ABCB1: variants seen among roughly 807,000 people sequenced by gnomAD.
ABCB1 encodes ATP binding cassette subfamily B member 1.
In ABCB1, 69 loss-of-function variants were observed where a neutral mutation model predicts 142.0. The ratio of observed to expected loss-of-function variants is 0.49; its 90% confidence interval spans 0.40 to 0.59. The LOEUF is 0.59. Among genes scored for constraint, ABCB1 ranks in the 20% least tolerant of loss-of-function variants. The pLI is 0.00. For missense variants in ABCB1, 1,326 were observed against 1,554.7 expected (o/e 0.85, Z 2.47); for synonymous variants, 532 against 539.2 (o/e 0.99, Z 0.18).
chr7:87,526,164 C>CTT lies in ABCB1; in HGVS notation c.2685+5128_2685+5129dup, dbSNP rs78401397. ...TACCTTGAAAGCCTTCACCCACCAC[C>CTT]TTTTTTTTTTTTTCATATCTCCTAT... On this transcript the variant is annotated intron_variant, in intron 21 of 27. Transcript: ENST00000622132. Among the ~76,000 whole-genome samples, 227 of 144,654 alleles carry CTT rather than the reference C, an allele frequency of 1.6e-3. No individual in the cohort carries two copies. In the East Asian group the frequency reaches 0.018, roughly 11 times the overall value. 94.9% of individuals were successfully genotyped at this position (144,654 alleles called of 152,430 possible).
chr7:87,626,778 G>GTCATATATATGTC (rs1584936027), intron 1 of ABCB1, among the ~76,000 whole-genome samples: 1 of 139,200 alleles, frequency 7.2e-6, no homozygotes, highest in South Asian at 2.2e-4. Flanking sequence ...ATATGTCAGA[G>GTCATATATATGTC]AGAGAGAGAG....
chr7:87,672,546 G>C (rs1423382718), intron 1 of ABCB1, among the ~76,000 whole-genome samples: 6 of 152,192 alleles, frequency 3.9e-5, no homozygotes. Context: ...CAAGGGGTAT[G>C]TACAGGGGTC....
chr7:87,545,011 A>C lies in ABCB1; in HGVS notation c.1888-12T>G, dbSNP rs547093769. 2 of 1,612,394 alleles carry C rather than the reference A, an allele frequency of 1.2e-6. No individual in the cohort carries two copies. The highest frequency in any genetic ancestry group is 1.7e-6 in the Non-Finnish European group (2 of 1,179,242). ...TCATTTCCTGCTGTCTAAAATAAATAAGAAATATGCAAAAGCTCATTAGGC... is the reference window on the plus strand; with the variant it reads ...TCATTTCCTGCTGTCTAAAATAAATCAGAAATATGCAAAAGCTCATTAGGC... On this transcript the variant is annotated splice_polypyrimidine_tract_variant and intron_variant, in intron 15 of 27. Coordinates refer to ENST00000622132, the MANE Select transcript of ABCB1 (RefSeq NM_001348946.2).
intron 3 of ABCB1, 40 bp from the exon 4 acceptor site, chr7:87,585,720 T>A (rs201153365): frequency 1.3e-6 from 2 of 1,599,266 alleles, no homozygotes; most frequent in Admixed American, 3.4e-5. Flanking sequence ...GAAAAATTAG[T>A]ACAGTTTCAT....
intron 1 of ABCB1, among the ~76,000 whole-genome samples, chr7:87,607,879 A>G (rs1242866739): frequency 6.6e-6 from 1 of 152,218 alleles, no homozygotes; most frequent in Non-Finnish European, 1.5e-5. Flanking sequence ...GGTGAAAACG[A>G]TTAGGATAAT....
Position 87,520,850 on chromosome 7 carries a change from G to A in ABCB1, c.2712C>T (p.Phe904=). The change falls in exon 22 of 28, where the codon TTC becomes TTT. Residue 904 remains phenylalanine, a synonymous_variant. Transcript: ENST00000622132. ...CCTGAGTCAAAGAAACAACGGTTCG[G>A]AAGTTTTCTATTGCTTCAGTAGCGA... ...GKIATEAIEN[F]RTVVSLTQEQ... 20 of 1,613,896 alleles carry A rather than the reference G, an allele frequency of 1.2e-5. No individual in the cohort carries two copies. The highest frequency in any genetic ancestry group is 1.7e-5 in the Non-Finnish European group (20 of 1,179,870).
chr7:87,523,853 G>C (rs1815654628), intron 21 of ABCB1, among the ~76,000 whole-genome samples: 2 of 152,112 alleles, frequency 1.3e-5, no homozygotes, highest in African/African-American at 4.8e-5. Flanking sequence ...CGATGGACTA[G>C]AGGGTCTCTA....
chr7:87,563,772 T>C (rs183085149), intron 7 of ABCB1, among the ~76,000 whole-genome samples: 68 of 151,838 alleles, frequency 4.5e-4, no homozygotes, highest in Admixed American at 2.2e-3. Flanking sequence ...TAAATGCCCA[T>C]CAATGATAGA....
At chr7:87,548,219 G>T (rs1816890468) in intron 14 of ABCB1, among the ~76,000 whole-genome samples, 1 of 127,550 alleles carries the variant, frequency 7.8e-6, no homozygotes, top group Non-Finnish European at 1.7e-5. Context: ...AGGAAGGGAA[G>T]GGAAGGGAAA....
intron 1 of ABCB1, among the ~76,000 whole-genome samples, chr7:87,664,138 A>AT (rs1442565271): frequency 6.6e-6 from 1 of 152,118 alleles, no homozygotes; most frequent in Non-Finnish European, 1.5e-5. Flanking sequence ...AGACTCTGTC[A>AT]TTCACTTTTA....
chr7:87,674,197 C>T (rs1826098269), intron 1 of ABCB1, among the ~76,000 whole-genome samples: 1 of 152,170 alleles, frequency 6.6e-6, no homozygotes, highest in South Asian at 2.1e-4. Flanking sequence ...TGTGTGCCAG[C>T]ATCTGCAGAA....
intron 15 of ABCB1, 65 bp from the exon 16 acceptor site, chr7:87,545,064 C>T: frequency 6.8e-7 from 1 of 1,462,216 alleles, no homozygotes; most frequent in Middle Eastern, 1.8e-4. Context: ...AAGCTAATCA[C>T]TGAATGTCAG....
chr7:87,578,974 T>C (rs906221121), intron 4 of ABCB1, among the ~76,000 whole-genome samples: 2 of 152,168 alleles, frequency 1.3e-5, no homozygotes, highest in African/African-American at 4.8e-5. Flanking sequence ...ATTACAGGCG[T>C]GAGCCACCGC....
At chr7:87,600,211 A>G (rs199851754) in intron 1 of ABCB1, 21 bp from the exon 2 acceptor site, 20 of 1,606,638 alleles carry the variant, frequency 1.2e-5, no homozygotes, top group Non-Finnish European at 1.4e-5. Context: ...ACCGCAGCTC[A>G]TTAGCCAAAT....
chr7:87,566,796 G>A lies in ABCB1; in HGVS notation c.519C>T (p.Thr173=). Residue 173 remains threonine, a synonymous_variant, in exon 6 of 28, where the codon ACC becomes ACT. Coordinates refer to ENST00000622132, the MANE Select transcript of ABCB1 (RefSeq NM_001348946.2). ...AACTAAATACTTACTCTGTAAGTCG[G>A]GTGTTAAGCTCCCCAACATCGTGCA... ...FDVHDVGELN[T]RLTDDVSKIN... is the part of the protein sequence containing the mutation. The A allele has an allele frequency of 6.2e-7, 1 of 1,614,006 alleles. No individual in the cohort carries two copies. Among genetic ancestry groups the A allele is most frequent in the Non-Finnish European group, 8.5e-7 (1 of 1,179,976 alleles).
intron 1 of ABCB1, among the ~76,000 whole-genome samples, chr7:87,626,233 A>G (rs192443561): frequency 1.9e-4 from 14 of 75,156 alleles, no homozygotes; most frequent in Non-Finnish European, 3.4e-4. Flanking sequence ...TGTCATATAT[A>G]TGTGTCATAT....
chr7:87,623,816 A>G (rs905826468), intron 1 of ABCB1, among the ~76,000 whole-genome samples: 1 of 152,050 alleles, frequency 6.6e-6, no homozygotes, highest in African/African-American at 2.4e-5. Context: ...GCTTCAAAAT[A>G]TGCTCAAGTC....
At chr7:87,522,044 G>A (rs965325908) in intron 21 of ABCB1, 2 of 1,001,176 alleles carry the variant, frequency 2.0e-6, no homozygotes, top group Non-Finnish European at 3.1e-6. Flanking sequence ...CAGCCAAAGA[G>A]GCAAAGCAGC....
intron 1 of ABCB1, among the ~76,000 whole-genome samples, chr7:87,692,329 C>G (rs148826652): frequency 2.6e-5 from 4 of 152,130 alleles, no homozygotes; most frequent in Non-Finnish European, 5.9e-5. Context: ...TGGTGGCACG[C>G]ACCTGTAGTC....
Sources: allele counts gnomAD v4.1 joint callset (sites outside exome capture counted in the v4.1 genomes callset), GRCh38; gene constraint gnomAD v4.1.1; transcripts MANE v1.5; gene names NCBI Gene and HGNC (gene_info 2026-07-23, HGNC 2026-07-21).